RANBP17: variants seen among roughly 807,000 people sequenced by gnomAD.
RANBP17 encodes RAN binding protein 17, also known as ran-binding protein 17.
RANBP17 carries 158 observed loss-of-function variants against 141.2 expected under a neutral mutation model. The ratio of observed to expected loss-of-function variants is 1.12; its 90% CI spans 0.98 to 1.28. The LOEUF is 1.28. Among genes scored for constraint, RANBP17 ranks in the 50% most tolerant of loss-of-function variants. RANBP17 has a pLI of 0.00. For synonymous variants in RANBP17, 430 were observed against 450.0 expected, an observed-to-expected ratio of 0.96 and a Z score of 0.56; for missense variants, 1,438 against 1,290.7, an observed-to-expected ratio of 1.11 and a Z score of -1.75.
chr5:171,243,602 G>A (rs1245340159), intron 24 of RANBP17, among the ~76,000 whole-genome samples: 1 of 152,128 alleles, frequency 6.6e-6, no homozygotes, highest in African/African-American at 2.4e-5. Context: ...CTAACAAACT[G>A]TTTCCCAGAG....
chr5:171,090,670 T>C (rs907727416), intron 14 of RANBP17, among the ~76,000 whole-genome samples: 1 of 151,746 alleles, frequency 6.6e-6, no homozygotes, highest in African/African-American at 2.4e-5. Context: ...AAAAATGGTT[T>C]CATGGGCAGG....
intron 25 of RANBP17, among the ~76,000 whole-genome samples, chr5:171,290,315 C>T (rs1201181125): frequency 6.6e-6 from 1 of 151,140 alleles, no homozygotes; most frequent in African/African-American, 2.4e-5. Flanking sequence ...GTGCAGTGAG[C>T]TGAGATTGTG....
intron 14 of RANBP17, among the ~76,000 whole-genome samples, chr5:171,147,227 A>G (rs1011541668): frequency 6.6e-6 from 1 of 152,046 alleles, no homozygotes; most frequent in South Asian, 2.1e-4. Context: ...GGTTAGCACA[A>G]TGAGTGGCAT....
chr5:171,001,299 A>G (rs1304748540), intron 14 of RANBP17, among the ~76,000 whole-genome samples: 1 of 152,176 alleles, frequency 6.6e-6, no homozygotes, highest in African/African-American at 2.4e-5. Flanking sequence ...GCGGTTTTGT[A>G]TGAATTGAGA....
chr5:171,088,814 C>G (rs1447640389), intron 14 of RANBP17, among the ~76,000 whole-genome samples: 1 of 152,166 alleles, frequency 6.6e-6, no homozygotes, highest in Non-Finnish European at 1.5e-5. Flanking sequence ...TCAGCTCCAT[C>G]AGCTCCTTTA....
chr5:171,135,811 T>C (rs1357773998), intron 14 of RANBP17, among the ~76,000 whole-genome samples: 1 of 152,218 alleles, frequency 6.6e-6, no homozygotes, highest in Non-Finnish European at 1.5e-5. Flanking sequence ...AAGTCCTAGC[T>C]GAGGCAATTG....
intron 25 of RANBP17, among the ~76,000 whole-genome samples, chr5:171,275,602 T>C (rs1159426220): frequency 6.6e-6 from 1 of 152,162 alleles, no homozygotes; most frequent in Non-Finnish European, 1.5e-5. Context: ...CAGTGTATGA[T>C]TTGAAGAGTT....
At chr5:170,987,638 T>G (rs1778236372) in intron 14 of RANBP17, among the ~76,000 whole-genome samples, 1 of 151,734 alleles carries the variant, frequency 6.6e-6, no homozygotes, top group Non-Finnish European at 1.5e-5. Flanking sequence ...TATACCTGCT[T>G]AACAGAAAGT....
At chr5:170,951,779 A>G (rs1775233326) in intron 12 of RANBP17, among the ~76,000 whole-genome samples, 1 of 152,076 alleles carries the variant, frequency 6.6e-6, no homozygotes, top group Admixed American at 6.6e-5. Context: ...TGGATTGAAG[A>G]TTCCCAGTAA....
intron 13 of RANBP17, among the ~76,000 whole-genome samples, chr5:170,963,203 A>G (rs1776273718): frequency 6.6e-6 from 1 of 152,230 alleles, no homozygotes; most frequent in African/African-American, 2.4e-5. Context: ...TATATATGAT[A>G]AATACTTCAT....
chr5:171,193,457 G>A (rs371733437), intron 18 of RANBP17, among the ~76,000 whole-genome samples: 133 of 152,188 alleles, frequency 8.7e-4, no homozygotes, highest in Non-Finnish European at 1.5e-3. Context: ...GGGGTGGTTG[G>A]CAATAAAGCT....
intron 13 of RANBP17, among the ~76,000 whole-genome samples, chr5:170,955,617 G>GTA (rs35979849): frequency 0.063 from 2,330 of 36,746 alleles, 260 homozygotes; most frequent in African/African-American, 0.078. Context: ...TATGCTCAGT[G>GTA]TATATATATA....
intron 24 of RANBP17, among the ~76,000 whole-genome samples, chr5:171,246,839 A>T (rs935006293): frequency 6.6e-6 from 1 of 152,176 alleles, no homozygotes; most frequent in African/African-American, 2.4e-5. Flanking sequence ...TGCTGCTGTC[A>T]TAGGTGTTTC....
chr5:171,196,222 A>G (rs1165761736), intron 18 of RANBP17, among the ~76,000 whole-genome samples: 5 of 152,106 alleles, frequency 3.3e-5, no homozygotes, highest in Non-Finnish European at 7.4e-5. Flanking sequence ...GTGGTCAGGG[A>G]AGGCCTCTCT....
chr5:171,155,431 A>G (rs1364633872), intron 14 of RANBP17, among the ~76,000 whole-genome samples: 2 of 152,214 alleles, frequency 1.3e-5, no homozygotes, highest in Admixed American at 1.3e-4. Flanking sequence ...TGATGATTTC[A>G]GCAAATGAGC....
rs773139529 is a variant in RANBP17, at chr5:171,265,759, G to T, written c.2855G>T (p.Gly952Val). The T allele has an allele frequency of 6.2e-7, 1 of 1,614,106 alleles. No individual in the cohort carries two copies. Among genetic ancestry groups the T allele is most frequent in the South Asian group, 1.1e-5 (1 of 91,076 alleles). ...TYLFKHIAKE[G>V]KKPLRCREAT... ...CTCTTCAAGCACATAGCAAAAGAGG[G>T]CAAGAAGCCACTTCGATGCAGAGAG... Residue 952 changes from glycine (G) to valine (V), a missense_variant, in exon 25 of 28, where the codon GGC becomes GTC. Physicochemically the swap from Gly to Val is moderately radical, Grantham distance 109. Transcript: ENST00000523189.
rs1771616682 is a variant in RANBP17 at position 170,912,607 on chromosome 5, G to A, written c.760+1473G>A. Among the ~76,000 whole-genome samples, 4 of 151,814 alleles carry A rather than the reference G, an allele frequency of 2.6e-5. No homozygotes were observed. The South Asian group carries it at 8.3e-4, about 31-fold the overall frequency. ...AATGTTCCAAATTTACAGGACAGTTGTCAAAATAAAACATCCAGTGGAAAA... is the reference window on the plus strand; with the variant it reads ...AATGTTCCAAATTTACAGGACAGTTATCAAAATAAAACATCCAGTGGAAAA... On this transcript the variant is annotated intron_variant, in intron 7 of 27. Transcript: ENST00000523189.
Position 171,241,094 on chromosome 5 carries a change from C to A in RANBP17, c.2589C>A (p.Leu863=). The change falls in exon 23 of 28, where the codon CTC becomes CTA. Residue 863 remains leucine, a synonymous_variant. Coordinates refer to ENST00000523189, the MANE Select transcript of RANBP17 (RefSeq NM_022897.5). ...GGGACAACCATTTTGACAATGTACT[C>A]CAGGCTTTTGTCAAAATGCTGCTGT... The part of the protein sequence containing the change: ...LYGDNHFDNV[L]QAFVKMLLSV... 2 of 1,613,818 alleles carry A rather than the reference C, an allele frequency of 1.2e-6. No individual in the cohort carries two copies. Among genetic ancestry groups the A allele is most frequent in the Non-Finnish European group, 1.7e-6 (2 of 1,179,888 alleles).
At chr5:171,274,169 C>T (rs1423573144) in intron 25 of RANBP17, among the ~76,000 whole-genome samples, 2 of 149,622 alleles carry the variant, frequency 1.3e-5, no homozygotes, top group Non-Finnish European at 3.0e-5. Context: ...CGCGCGTGCG[C>T]AAAATCTAAC....
Sources: allele counts gnomAD v4.1 joint callset (sites outside exome capture counted in the v4.1 genomes callset), GRCh38; gene constraint gnomAD v4.1.1; transcripts MANE v1.5; gene names NCBI Gene and HGNC (gene_info 2026-07-23, HGNC 2026-07-21).